RCBTB1: variants seen among roughly 807,000 people sequenced by gnomAD.
RCBTB1 encodes RCC1 and BTB domain containing protein 1.
Under a neutral mutation model 62.4 loss-of-function variants are expected in RCBTB1, and 46 were observed. The observed-to-expected ratio is 0.74, with a 90% CI of 0.58 to 0.94. The LOEUF (loss-of-function observed/expected upper bound fraction) is 0.94. Ranked by LOEUF, RCBTB1 falls within the 40% of genes least tolerant of loss-of-function variation. The probability of loss-of-function intolerance (pLI) is 0.00; values close to 1 mark genes in which losing one functional copy is unlikely to be tolerated. For missense variants in RCBTB1, 565 were observed against 654.9 expected (o/e 0.86, Z 1.50); for synonymous variants, 222 against 245.8 (o/e 0.90, Z 0.91).
rs755752740 is a variant in RCBTB1, at chr13:49,544,896, G to T, written c.1046-33C>A. On this transcript the variant is annotated intron_variant, in intron 9 of 12. Transcript: ENST00000378302. Reference sequence around the variant, plus strand: ...CAACAAACATATATTAATATGGCAAGTTCAAGGAACAGATTGAAGATTCAA... The same window carrying T: ...CAACAAACATATATTAATATGGCAATTTCAAGGAACAGATTGAAGATTCAA... 18 of 1,569,880 alleles carry T rather than the reference G, an allele frequency of 1.1e-5. No homozygotes were observed. The Admixed American group carries it at 2.3e-4, about 20-fold the overall frequency.
chr13:49,536,550 C>CTA (rs1959958489), intron 12 of RCBTB1, among the ~76,000 whole-genome samples: 1 of 152,194 alleles, frequency 6.6e-6, no homozygotes, highest in Admixed American at 6.5e-5. Flanking sequence ...GAGAAGTCAA[C>CTA]TATAACAGGG....
At chr13:49,548,721 C>T (rs1027199364) in intron 9 of RCBTB1, among the ~76,000 whole-genome samples, 15 of 151,592 alleles carry the variant, frequency 9.9e-5, no homozygotes, top group Admixed American at 9.2e-4. Context: ...TGTATGCTTC[C>T]GCTTATATGA....
Sources: allele counts gnomAD v4.1 joint callset (sites outside exome capture counted in the v4.1 genomes callset), GRCh38; gene constraint gnomAD v4.1.1; transcripts MANE v1.5; gene names NCBI Gene and HGNC (gene_info 2026-07-23, HGNC 2026-07-21).